The following EYS variants were observed in gnomAD, a reference collection of about 807,000 sequenced individuals.
EYS encodes protein eyes shut homolog.
A neutral mutation model predicts 282.1 loss-of-function variants in EYS; 250 were observed. The observed-to-expected ratio is 0.89, with a 90% CI of 0.80 to 0.98. The LOEUF is 0.98. EYS is among the 50% of genes least tolerant of loss of function. EYS has a pLI of 0.00. For missense variants in EYS, 4,016 were observed against 3,709.0 expected, an observed-to-expected ratio of 1.08 and a Z score of -2.15; for synonymous variants, 1,355 against 1,282.9, an observed-to-expected ratio of 1.06 and a Z score of -1.20.
At chr6:65,515,195 C>T (rs1767075885) in intron 2 of EYS, among the ~76,000 whole-genome samples, 2 of 151,958 alleles carry the variant, frequency 1.3e-5, no homozygotes, top group Admixed American at 1.3e-4. Context: ...AAAAAATGCT[C>T]ACCATCACTG....
intron 26 of EYS, among the ~76,000 whole-genome samples, chr6:64,477,486 A>G (rs1347015683): frequency 6.6e-6 from 1 of 152,074 alleles, no homozygotes; most frequent in Non-Finnish European, 1.5e-5. Context: ...CCTCTGCCTC[A>G]TCCTGTCTGA....
At chr6:63,830,834 C>T (rs1771611890) in intron 36 of EYS, among the ~76,000 whole-genome samples, 1 of 152,194 alleles carries the variant, frequency 6.6e-6, no homozygotes, top group Non-Finnish European at 1.5e-5. Flanking sequence ...AGGTTACCCA[C>T]AAAGGGAAGC....
intron 12 of EYS, among the ~76,000 whole-genome samples, chr6:65,180,008 C>G (rs1308599630): frequency 1.3e-5 from 2 of 152,062 alleles, no homozygotes; most frequent in East Asian, 3.9e-4. Flanking sequence ...ATTCAACAAC[C>G]TTCATGCTAA....
intron 12 of EYS, among the ~76,000 whole-genome samples, chr6:65,198,865 A>T (rs555977078): frequency 6.6e-6 from 1 of 152,180 alleles, no homozygotes; most frequent in South Asian, 2.1e-4. Context: ...AGACATTAGG[A>T]CTATTTTATG....
chr6:64,189,297 C>T (rs957122581), intron 31 of EYS, among the ~76,000 whole-genome samples: 1 of 152,220 alleles, frequency 6.6e-6, no homozygotes, highest in Non-Finnish European at 1.5e-5. Context: ...ATATGGCCCA[C>T]CATCTGGTTT....
At chr6:65,348,946 AT>A (rs1241878612) in intron 9 of EYS, among the ~76,000 whole-genome samples, 2 of 151,540 alleles carry the variant, frequency 1.3e-5, no homozygotes, top group Non-Finnish European at 3.0e-5. Context: ...TTTACAAAGC[AT>A]TTCTCCAACA....
At chr6:65,684,683 A>C (rs1396375625) in intron 1 of EYS, among the ~76,000 whole-genome samples, 1 of 151,982 alleles carries the variant, frequency 6.6e-6, no homozygotes, top group Non-Finnish European at 1.5e-5. Flanking sequence ...TCAGCAGTTA[A>C]ACATGTGTCC....
chr6:64,330,946 T>A (rs903141419), intron 29 of EYS, among the ~76,000 whole-genome samples: 4 of 151,582 alleles, frequency 2.6e-5, no homozygotes, highest in African/African-American at 9.7e-5. Context: ...GTGGATGAGG[T>A]TTTCTCAAGC....
intron 29 of EYS, among the ~76,000 whole-genome samples, chr6:64,330,643 G>A (rs1770608227): frequency 6.6e-6 from 1 of 152,142 alleles, no homozygotes; most frequent in South Asian, 2.1e-4. Flanking sequence ...GGTGGCTATG[G>A]GATGGCATTG....
At chr6:65,259,830 T>C (rs1767570439) in intron 12 of EYS, among the ~76,000 whole-genome samples, 1 of 152,052 alleles carries the variant, frequency 6.6e-6, no homozygotes, top group African/African-American at 2.4e-5. Flanking sequence ...GAAAAATGAC[T>C]AAGACCCAGG....
chr6:65,353,840 C>T (rs1764379054), intron 8 of EYS, among the ~76,000 whole-genome samples: 1 of 151,930 alleles, frequency 6.6e-6, no homozygotes, highest in Admixed American at 6.6e-5. Context: ...AATCTTTTAG[C>T]TTTGACTCAC....
intron 22 of EYS, among the ~76,000 whole-genome samples, chr6:64,679,812 A>G (rs1218182721): frequency 6.6e-6 from 1 of 152,094 alleles, no homozygotes; most frequent in Non-Finnish European, 1.5e-5. Context: ...ACACACATTT[A>G]CTTTCTTTTT....
chr6:63,852,189 GAATT>G (rs1772276215), intron 36 of EYS, among the ~76,000 whole-genome samples: 1 of 127,622 alleles, frequency 7.8e-6, no homozygotes, highest in Non-Finnish European at 1.7e-5. Context: ...AAAAATCAAT[GAATT>G]GAGGAGCTGG....
chr6:65,189,222 T>G (rs533329162), intron 12 of EYS, among the ~76,000 whole-genome samples: 15 of 151,844 alleles, frequency 9.9e-5, no homozygotes, highest in Non-Finnish European at 1.8e-4. Flanking sequence ...AAATCAGTGT[T>G]AATGTACCAG....
At chr6:63,956,369 C>T (rs1765821638) in intron 35 of EYS, among the ~76,000 whole-genome samples, 1 of 152,136 alleles carries the variant, frequency 6.6e-6, no homozygotes, top group Non-Finnish European at 1.5e-5. Flanking sequence ...ACTATAATTT[C>T]CATTACCAAC....
intron 33 of EYS, among the ~76,000 whole-genome samples, chr6:64,014,343 A>C (rs958726343): frequency 2.0e-5 from 3 of 152,042 alleles, no homozygotes; most frequent in Admixed American, 6.6e-5. Flanking sequence ...TCTTTTTATA[A>C]AATTGCCTTA....
chr6:65,475,559 T>C (rs1189428166), intron 5 of EYS, among the ~76,000 whole-genome samples: 1 of 152,146 alleles, frequency 6.6e-6, no homozygotes, highest in Non-Finnish European at 1.5e-5. Flanking sequence ...TCATTACTTT[T>C]CTATGAAAAA....
intron 8 of EYS, among the ~76,000 whole-genome samples, chr6:65,370,256 CTTTTTT>C (rs35707502): frequency 1.6e-5 from 2 of 127,152 alleles, no homozygotes; most frequent in Non-Finnish European, 3.2e-5. Context: ...CTTTCTCTCT[CTTTTTT>C]TTTTTTTTTT....
At chr6:65,387,932 T>A (rs1389985815) in intron 7 of EYS, among the ~76,000 whole-genome samples, 1 of 152,050 alleles carries the variant, frequency 6.6e-6, no homozygotes, top group African/African-American at 2.4e-5. Context: ...TCAGTTTCAA[T>A]GCTGTCATTG....
Sources: allele counts gnomAD v4.1 joint callset (sites outside exome capture counted in the v4.1 genomes callset), GRCh38; gene constraint gnomAD v4.1.1; transcripts MANE v1.5; gene names NCBI Gene and HGNC (gene_info 2026-07-23, HGNC 2026-07-21).